PTPRE: variants seen among roughly 807,000 people sequenced by gnomAD.
PTPRE encodes receptor-type tyrosine-protein phosphatase epsilon.
PTPRE carries 51 observed loss-of-function variants against 102.0 expected under a neutral mutation model. The ratio of observed to expected loss-of-function variants is 0.50; its 90% CI spans 0.40 to 0.63. The LOEUF is 0.63. PTPRE is among the 30% of genes least tolerant of loss of function. The pLI is 0.00. For missense variants in PTPRE, 752 were observed against 915.1 expected, an observed-to-expected ratio of 0.82 and a Z score of 2.30; for synonymous variants, 345 against 348.2, an observed-to-expected ratio of 0.99 and a Z score of 0.10.
At chr10:128,035,867 G>A (rs140713212) in intron 2 of PTPRE, among the ~76,000 whole-genome samples, 4 of 152,310 alleles carry the variant, frequency 2.6e-5, no homozygotes, top group Admixed American at 6.5e-5. Context: ...CGGAGAGAAA[G>A]TCAGGGACTG....
intron 12 of PTPRE, 48 bp downstream of exon 12, chr10:128,068,334 T>A: frequency 6.4e-7 from 1 of 1,565,572 alleles, no homozygotes; most frequent in Non-Finnish European, 8.7e-7. Context: ...CAGGCCACAG[T>A]GGGATGACTC....
intron 2 of PTPRE, among the ~76,000 whole-genome samples, chr10:128,023,864 A>T (rs530446673): frequency 1.8e-4 from 27 of 152,336 alleles, no homozygotes; most frequent in African/African-American, 6.5e-4. Flanking sequence ...ACTCTGTAAT[A>T]ATATTTTGGT....
intron 2 of PTPRE, among the ~76,000 whole-genome samples, chr10:128,027,377 C>A (rs1197603896): frequency 2.0e-5 from 3 of 152,134 alleles, no homozygotes; most frequent in African/African-American, 4.8e-5. Context: ...TGCCTAGCAC[C>A]CCAGAATTCA....
intron 11 of PTPRE, among the ~76,000 whole-genome samples, chr10:128,067,356 G>GTGCACACATATACATCCACACACATT (rs1850316608): frequency 1.8e-5 from 2 of 109,408 alleles, no homozygotes; most frequent in African/African-American, 7.3e-5. Context: ...ATTCACACAC[G>GTGCACACATATACATCCACACACATT]CACACGTGCA....
intron 1 of PTPRE, among the ~76,000 whole-genome samples, chr10:127,979,574 G>A (rs1851449895): frequency 6.6e-6 from 1 of 152,206 alleles, no homozygotes; most frequent in Admixed American, 6.5e-5. Flanking sequence ...CTACTTGGGA[G>A]GCTGAGGCAA....
intron 1 of PTPRE, among the ~76,000 whole-genome samples, chr10:127,947,495 A>G (rs1848710540): frequency 6.6e-6 from 1 of 152,190 alleles, no homozygotes; most frequent in Non-Finnish European, 1.5e-5. Flanking sequence ...ATGGGTTTAC[A>G]TTTTATTTAT....
At chr10:127,969,808 C>T (rs1186226494) in intron 1 of PTPRE, among the ~76,000 whole-genome samples, 7 of 152,102 alleles carry the variant, frequency 4.6e-5, no homozygotes, top group Admixed American at 1.3e-4. Context: ...TCATGGTGAA[C>T]GTGAACTCTG....
At chr10:127,925,857 A>T (rs947373556) in intron 1 of PTPRE, among the ~76,000 whole-genome samples, 6 of 152,132 alleles carry the variant, frequency 3.9e-5, no homozygotes, top group African/African-American at 1.4e-4. Context: ...TGATAGGTAA[A>T]GGGCACCTCA....
chr10:127,980,948 C>T (rs578018592), intron 1 of PTPRE, among the ~76,000 whole-genome samples: 21 of 152,254 alleles, frequency 1.4e-4, no homozygotes, highest in South Asian at 1.2e-3. Flanking sequence ...CCAGTGCAGA[C>T]GTGCAGTGAC....
intron 16 of PTPRE, chr10:128,072,470 T>C (rs1267256680): frequency 2.9e-6 from 1 of 347,720 alleles, no homozygotes; most frequent in Non-Finnish European, 5.2e-6. Flanking sequence ...CTGGCCAATA[T>C]GGCAAAACCC....
At chr10:128,009,562 G>C (rs1844800000) in intron 2 of PTPRE, among the ~76,000 whole-genome samples, 1 of 152,200 alleles carries the variant, frequency 6.6e-6, no homozygotes. Context: ...GTGCAGCGAG[G>C]TCACTATTGT....
At position 128,020,313 on chromosome 10, in the gene PTPRE, A is replaced by G. The variant is rs368305231; in HGVS notation, c.-7-20562A>G. 7.9e-5 allele frequency among the ~76,000 whole-genome samples: 12 copies of G among 152,306 alleles called. No homozygotes were observed. The South Asian group carries it at 2.5e-3, about 32-fold the overall frequency. Reference sequence around the variant, plus strand: ...TCTCAAGTGGTACATCTGCACTAACACAAATCCATTTTTTACTTGACTTTG... The same window carrying G: ...TCTCAAGTGGTACATCTGCACTAACGCAAATCCATTTTTTACTTGACTTTG... On this transcript the variant is annotated intron_variant, in intron 2 of 20. Coordinates refer to ENST00000254667, the MANE Select transcript of PTPRE (RefSeq NM_006504.6).
At chr10:127,968,542 A>T (rs1589858593) in intron 1 of PTPRE, among the ~76,000 whole-genome samples, 1 of 152,198 alleles carries the variant, frequency 6.6e-6, no homozygotes, top group South Asian at 2.1e-4. Flanking sequence ...CATTCTGCAG[A>T]TCGTTCTTTC....
At chr10:127,911,149 AG>A (rs1175824886) in intron 1 of PTPRE, among the ~76,000 whole-genome samples, 8 of 152,246 alleles carry the variant, frequency 5.3e-5, no homozygotes, top group African/African-American at 1.7e-4. Context: ...ACAAATAGAT[AG>A]ATACCTTTTG....
intron 3 of PTPRE, among the ~76,000 whole-genome samples, chr10:128,044,802 T>G (rs999957943): frequency 1.3e-5 from 2 of 152,248 alleles, no homozygotes; most frequent in Non-Finnish European, 2.9e-5. Flanking sequence ...TGGACCACAT[T>G]GGTGCCCAGA....
chr10:128,078,464 C>G (rs550347765), intron 19 of PTPRE, among the ~76,000 whole-genome samples: 1 of 152,358 alleles, frequency 6.6e-6, no homozygotes, highest in East Asian at 1.9e-4. Context: ...GACCTCGACA[C>G]CCGGCAAGGT....
intron 1 of PTPRE, among the ~76,000 whole-genome samples, chr10:127,909,107 G>A (rs1314303305): frequency 6.6e-6 from 1 of 152,194 alleles, no homozygotes; most frequent in African/African-American, 2.4e-5. Context: ...CGCTCCCTGT[G>A]TCAGCACCGC....
intron 2 of PTPRE, chr10:127,999,586 A>C: frequency 1.0e-6 from 1 of 985,500 alleles, no homozygotes; most frequent in African/African-American, 1.7e-5. Context: ...CGCAGGTTGC[A>C]CTGTTCTCAG....
Position 127,914,913 on chromosome 10 carries a change from G to A in PTPRE, c.-31+7604G>A, listed in dbSNP as rs183411895. 5.8e-3 allele frequency among the ~76,000 whole-genome samples: 883 copies of A among 152,266 alleles called. 2 individuals carry two copies. Among genetic ancestry groups the A allele is most frequent in the Non-Finnish European group, 9.6e-3 (656 of 68,034 alleles). On this transcript the variant is annotated intron_variant, in intron 1 of 20. Transcript: ENST00000254667. ...AGGGGTGGCATATCCTCATGTCAGG[G>A]CGTGGAGCTAATATTCAGACCCAAA... is the stretch of plus-strand genomic sequence containing the variant.
Sources: allele counts gnomAD v4.1 joint callset (sites outside exome capture counted in the v4.1 genomes callset), GRCh38; gene constraint gnomAD v4.1.1; transcripts MANE v1.5; gene names NCBI Gene and HGNC (gene_info 2026-07-23, HGNC 2026-07-21).